EFHC2: variants seen among roughly 807,000 people sequenced by gnomAD.
The protein encoded by EFHC2 is EF-hand domain containing 2, also known as EF-hand domain-containing family member C2.
EFHC2 carries 18 observed loss-of-function variants against 52.7 expected under a neutral mutation model. The ratio of observed to expected loss-of-function variants is 0.34; its 90% CI spans 0.24 to 0.51. The LOEUF is 0.51. Among genes scored for constraint, EFHC2 ranks in the 20% least tolerant of loss-of-function variants. The probability of loss-of-function intolerance (pLI) is 0.97; values close to 1 mark genes in which losing one functional copy is unlikely to be tolerated. For synonymous variants in EFHC2, 203 were observed against 204.1 expected (o/e 0.99, Z 0.04); for missense variants, 513 against 562.5 (o/e 0.91, Z 0.89).
At chrX:44,226,319 G>A (rs933563619) in intron 11 of EFHC2, among the ~76,000 whole-genome samples, 1 of 111,334 alleles carries the variant, frequency 9.0e-6, no homozygotes, top group African/African-American at 3.3e-5. Context: ...CCGTGAAGCT[G>A]CAGATGTAAA....
intron 2 of EFHC2, among the ~76,000 whole-genome samples, chrX:44,292,669 G>C (rs767497863): frequency 3.5e-4 from 39 of 111,564 alleles, no homozygotes; most frequent in Non-Finnish European, 6.2e-4. Flanking sequence ...CCCAATGTTG[G>C]AGGTGGGTCC....
At chrX:44,296,698 GTTAT>G (rs2037828266) in intron 2 of EFHC2, among the ~76,000 whole-genome samples, 1 of 112,027 alleles carries the variant, frequency 8.9e-6, no homozygotes, top group East Asian at 2.8e-4. Flanking sequence ...TTAAAAGGTA[GTTAT>G]TTATCACCTT....
rs1362849081 is a variant in EFHC2, at chrX:44,317,497, A to T, written c.43-4741T>A. On this transcript the variant is annotated intron_variant, in intron 1 of 14. Transcript: ENST00000420999. ...CATTAGGGAAATGTAAATCAAAAGT[A>T]CAATGAAGCCTGGCACAGTGGCTCA... 2.7e-5 allele frequency among the ~76,000 whole-genome samples: 3 copies of T among 113,035 alleles called. No homozygotes were observed. The Admixed American group carries it at 2.8e-4, about 11-fold the overall frequency.
In EFHC2 at chrX:44,249,445, G is replaced by T. The variant is rs1394277972; in HGVS notation, c.859-529C>A. Among the ~76,000 whole-genome samples the T allele has an allele frequency of 1.8e-5, 2 of 108,779 alleles. 1 individual carries two copies. 94.5% of individuals were successfully genotyped at this position (108,779 alleles called of 115,157 possible). On this transcript the variant is annotated intron_variant, in intron 5 of 14. Coordinates refer to ENST00000420999, the MANE Select transcript of EFHC2 (RefSeq NM_025184.4). The stretch of plus-strand genomic sequence containing the variant: ...ACAGGTCCTTAGATGGTGTTTTTTT[G>T]GTTTTTTTTTTTTACTATGTTATGA...
chrX:44,286,963 C>T (rs1397321707), intron 2 of EFHC2, among the ~76,000 whole-genome samples: 2 of 92,966 alleles, frequency 2.2e-5, no homozygotes, highest in African/African-American at 4.2e-5. Context: ...GAGTCTCAGG[C>T]TGCAGTGAGC....
At chrX:44,314,039 C>T (rs1167754211) in intron 1 of EFHC2, among the ~76,000 whole-genome samples, 1 of 111,593 alleles carries the variant, frequency 9.0e-6, no homozygotes, top group African/African-American at 3.3e-5. Context: ...TAAAATTTCA[C>T]GACACATATG....
intron 1 of EFHC2, among the ~76,000 whole-genome samples, chrX:44,336,022 A>T (rs140575728): frequency 7.7e-4 from 87 of 113,056 alleles, no homozygotes; most frequent in African/African-American, 2.5e-3. Context: ...AAGGGGATAT[A>T]CGGATGGCAA....
At chrX:44,160,755 A>G (rs999847491) in intron 14 of EFHC2, among the ~76,000 whole-genome samples, 2 of 110,726 alleles carry the variant, frequency 1.8e-5, no homozygotes, top group Non-Finnish European at 3.8e-5. Flanking sequence ...ACCTGTCTCT[A>G]TTAAAAATAC....
At chrX:44,258,394 G>A (rs1272421610) in intron 4 of EFHC2, among the ~76,000 whole-genome samples, 1 of 108,434 alleles carries the variant, frequency 9.2e-6, no homozygotes, top group African/African-American at 3.4e-5. Flanking sequence ...AACTGACAAA[G>A]GGCTAATATC....
intron 11 of EFHC2, among the ~76,000 whole-genome samples, chrX:44,208,744 T>C (rs1275160706): frequency 9.0e-6 from 1 of 111,665 alleles, no homozygotes; most frequent in African/African-American, 3.3e-5. Flanking sequence ...GGTCATAAAG[T>C]TCATATGGAA....
chrX:44,232,822 G>T, intron 9 of EFHC2, 145 bp from the exon 10 acceptor site: 1 of 501,235 alleles, frequency 2.0e-6, no homozygotes, highest in Non-Finnish European at 3.1e-6. Context: ...GGACTTAAGG[G>T]AAGAATGAGG....
At chrX:44,182,879 C>A (rs2036845803) in intron 11 of EFHC2, among the ~76,000 whole-genome samples, 1 of 110,951 alleles carries the variant, frequency 9.0e-6, no homozygotes, top group Admixed American at 9.7e-5. Context: ...AAGGATGCTG[C>A]CATGATTTTC....
chrX:44,342,106 G>T (rs2038154909), intron 1 of EFHC2, among the ~76,000 whole-genome samples: 1 of 112,310 alleles, frequency 8.9e-6, no homozygotes, highest in African/African-American at 3.2e-5. Context: ...TGCGTGACTG[G>T]CTTAAACTTA....
At chrX:44,336,639 A>G (rs1246557113) in intron 1 of EFHC2, among the ~76,000 whole-genome samples, 1 of 111,721 alleles carries the variant, frequency 9.0e-6, no homozygotes, top group Non-Finnish European at 1.9e-5. Flanking sequence ...ATTTTGCTAT[A>G]ATTTTCAACT....
chrX:44,221,886 A>G (rs781392381), intron 11 of EFHC2, among the ~76,000 whole-genome samples: 12 of 111,436 alleles, frequency 1.1e-4, no homozygotes, highest in African/African-American at 2.3e-4. Flanking sequence ...TTTTCAGAAC[A>G]CTTCTTAACT....
intron 4 of EFHC2, among the ~76,000 whole-genome samples, chrX:44,251,214 G>A (rs868632248): frequency 1.1e-4 from 10 of 92,478 alleles, no homozygotes; most frequent in South Asian, 5.9e-4. Flanking sequence ...ACTCCAGCCC[G>A]GGCGACAGAG....
rs1324986514 is a variant in EFHC2, at chrX:44,336,863, C to T, written c.42+6684G>A. 4.5e-5 allele frequency among the ~76,000 whole-genome samples: 5 copies of T among 111,739 alleles called. No individual in the cohort carries two copies. In the East Asian group the frequency reaches 1.4e-3, roughly 31 times the overall value. ...AAAAAATAAGACTGTTATGTACATA[C>T]AGGTCTATAAAGAAATCAAGATTAT... On this transcript the variant is annotated intron_variant, in intron 1 of 14. Coordinates refer to ENST00000420999, the MANE Select transcript of EFHC2 (RefSeq NM_025184.4).
intron 10 of EFHC2, among the ~76,000 whole-genome samples, chrX:44,231,891 C>T (rs1047436360): frequency 1.8e-5 from 2 of 112,158 alleles, no homozygotes; most frequent in African/African-American, 6.5e-5. Context: ...TACCGAACAG[C>T]ATTGCCATAA....
rs1198508073 is a variant in EFHC2 at position 44,310,003 on chromosome X, G to C, written c.231+2565C>G. The C allele has an allele frequency of 8.2e-6, 8 of 974,657 alleles. No individual in the cohort carries two copies. The East Asian group carries it at 2.4e-4, about 30-fold the overall frequency. 80.3% of individuals were successfully genotyped at this position (974,657 alleles called of 1,213,427 possible). On this transcript the variant is annotated intron_variant, in intron 2 of 14. Coordinates refer to ENST00000420999, the MANE Select transcript of EFHC2 (RefSeq NM_025184.4). ...GCAATTTGGAAGCCATAGAAACAGC[G>C]GGCTTCTGTAATCTGAACTATTTGG...
Sources: allele counts gnomAD v4.1 joint callset (sites outside exome capture counted in the v4.1 genomes callset), GRCh38; gene constraint gnomAD v4.1.1; transcripts MANE v1.5; gene names NCBI Gene and HGNC (gene_info 2026-07-23, HGNC 2026-07-21).